SEMA3D: variants seen among roughly 807,000 people sequenced by gnomAD.
SEMA3D encodes the protein semaphorin-3D.
A neutral mutation model predicts 100.1 loss-of-function variants in SEMA3D; 84 were observed. That is an observed-to-expected ratio of 0.84 (90% CI 0.70 to 1.01). The LOEUF is 1.01. Ranked by LOEUF, SEMA3D falls within the 50% of genes least tolerant of loss-of-function variation. SEMA3D has a pLI of 0.00. For synonymous variants in SEMA3D, 312 were observed against 320.7 expected, an observed-to-expected ratio of 0.97 and a Z score of 0.29; for missense variants, 875 against 934.1, an observed-to-expected ratio of 0.94 and a Z score of 0.82.
chr7:85,066,890 G>GCACACACACACACACACACACACA (rs1265828830), intron 7 of SEMA3D, among the ~76,000 whole-genome samples: 2 of 100,700 alleles, frequency 2.0e-5, no homozygotes, highest in African/African-American at 1.6e-4. Flanking sequence ...GGAAATGTGC[G>GCACACACACACACACACACACACA]CTCACACACA....
chr7:85,091,949 T>G (rs1177885665), intron 4 of SEMA3D, among the ~76,000 whole-genome samples: 1 of 152,010 alleles, frequency 6.6e-6, no homozygotes, highest in Non-Finnish European at 1.5e-5. Context: ...CTATGAGAAA[T>G]CTACATACAA....
chr7:85,172,311 A>G (rs1791107270), intron 1 of SEMA3D, among the ~76,000 whole-genome samples: 1 of 152,012 alleles, frequency 6.6e-6, no homozygotes, highest in African/African-American at 2.4e-5. Flanking sequence ...CAAAAGCAAA[A>G]GAGACAATTA....
intron 11 of SEMA3D, among the ~76,000 whole-genome samples, chr7:85,038,972 T>C (rs986322702): frequency 2.0e-5 from 3 of 152,156 alleles, no homozygotes; most frequent in African/African-American, 7.2e-5. Context: ...TTAAACTATA[T>C]TGTTCATATA....
intron 1 of SEMA3D, among the ~76,000 whole-genome samples, chr7:85,179,886 C>T (rs1458368051): frequency 6.6e-6 from 1 of 152,170 alleles, no homozygotes; most frequent in Non-Finnish European, 1.5e-5. Flanking sequence ...TGGTCTTGAT[C>T]TCCTGACCTC....
intron 9 of SEMA3D, chr7:85,050,805 A>G: frequency 4.2e-6 from 2 of 473,106 alleles, no homozygotes; most frequent in Non-Finnish European, 7.5e-6. Context: ...TAATAAAATG[A>G]CATATCTCTT....
the SEMA3D span, among the ~76,000 whole-genome samples, chr7:85,242,623 T>C: frequency 6.6e-6 from 1 of 152,196 alleles, no homozygotes; most frequent in African/African-American, 2.4e-5. Context: ...CTATTTCAGA[T>C]ACAGGGGTGT....
At chr7:85,024,946 G>A (rs986211445) in intron 12 of SEMA3D, among the ~76,000 whole-genome samples, 5 of 151,966 alleles carry the variant, frequency 3.3e-5, no homozygotes, top group African/African-American at 9.7e-5. Context: ...GAAAAATTTC[G>A]TAAAAGAAAA....
intron 1 of SEMA3D, among the ~76,000 whole-genome samples, chr7:85,170,167 A>ACTACT (rs1344403586): frequency 6.6e-6 from 1 of 151,884 alleles, no homozygotes; most frequent in Non-Finnish European, 1.5e-5. Flanking sequence ...ATAAGTGTTC[A>ACTACT]CTACTTTATT....
At chr7:85,223,431 A>T in the SEMA3D span, among the ~76,000 whole-genome samples, 192 of 152,098 alleles carry the variant, frequency 1.3e-3, 3 homozygotes, top group Non-Finnish European at 4.6e-4. Context: ...TTGTACAGGC[A>T]TGTTTATACC....
Position 85,151,667 on chromosome 7 carries a change from T to C in SEMA3D, c.-41+1941A>G, listed in dbSNP as rs1020237877. ...GCAATTCTCAGTATATTATAGTGTA[T>C]TTAGTACTATTTCTTTCATATTCTC... On this transcript the variant is annotated intron_variant, in intron 2 of 18. Coordinates refer to ENST00000284136, the MANE Select transcript of SEMA3D (RefSeq NM_001384900.1). 5 of 982,668 alleles carry C rather than the reference T, an allele frequency of 5.1e-6. No homozygotes were observed. In the African/African-American group the frequency reaches 8.8e-5, roughly 17 times the overall value. The allele number at this position is 982,668 out of a possible 1,614,324, so 60.9% of individuals were successfully genotyped here. A position where few individuals can be genotyped will look rare whatever the true frequency, so the allele number is the denominator to read the frequency against.
At position 85,153,673 on chromosome 7, in the gene SEMA3D, C is replaced by G. The variant is rs1278285631; in HGVS notation, c.-106G>C. ...TAAGGTGAAGATCCAGGAGAACCAA[C>G]AGTGTATGTTCAAAAGCCTGGCAAC... On this transcript the variant is annotated 5_prime_UTR_variant, in exon 2 of 19. Coordinates refer to ENST00000284136, the MANE Select transcript of SEMA3D (RefSeq NM_001384900.1). 1 of 152,118 alleles carries G rather than the reference C, an allele frequency of 6.6e-6. No individual in the cohort carries two copies. The highest frequency in any genetic ancestry group is 1.9e-4 in the East Asian group (1 of 5,174). 9.4% of individuals were successfully genotyped at this position (152,118 alleles called of 1,614,324 possible). A position where few individuals can be genotyped will look rare whatever the true frequency, so the allele number is the denominator to read the frequency against.
intron 9 of SEMA3D, among the ~76,000 whole-genome samples, chr7:85,051,374 C>T (rs576010046): frequency 6.3e-4 from 96 of 151,920 alleles, no homozygotes; most frequent in African/African-American, 2.2e-3. Context: ...TTTTGATAAG[C>T]GACATTTTTG....
intron 12 of SEMA3D, among the ~76,000 whole-genome samples, chr7:85,035,970 G>A (rs1028631954): frequency 6.6e-5 from 10 of 151,890 alleles, no homozygotes; most frequent in South Asian, 4.2e-4. Context: ...AACAGAATTC[G>A]GAAAGCATAG....
At position 85,126,375 on chromosome 7, in the gene SEMA3D, CGTGT is replaced by C. The variant is rs34641872; in HGVS notation, c.-40-4448_-40-4445del. Among the ~76,000 whole-genome samples the C allele has an allele frequency of 4.2e-3, 556 of 130,928 alleles. 4 individuals are homozygous for C. The highest frequency in any genetic ancestry group is 0.011 in the African/African-American group (368 of 32,354). 85.9% of individuals were successfully genotyped at this position (130,928 alleles called of 152,430 possible). A position where few individuals can be genotyped will look rare whatever the true frequency, so the allele number is the denominator to read the frequency against. On this transcript the variant is annotated intron_variant, in intron 2 of 18. Coordinates refer to ENST00000284136, the MANE Select transcript of SEMA3D (RefSeq NM_001384900.1). ...AACACTTAGATTTAGGATTCTTTCT[CGTGT>C]GTGTGTGTGTGTGTGTGTGTGTGTC...
chr7:85,090,841 A>G (rs886073209), intron 4 of SEMA3D, among the ~76,000 whole-genome samples: 1 of 152,146 alleles, frequency 6.6e-6, no homozygotes, highest in Non-Finnish European at 1.5e-5. Flanking sequence ...TTTATGTTAG[A>G]CAAAGAAGGG....
chr7:85,006,168 C>T (rs1789790673), intron 18 of SEMA3D, among the ~76,000 whole-genome samples: 1 of 151,960 alleles, frequency 6.6e-6, no homozygotes. Flanking sequence ...TCTACATTCT[C>T]ATATGCATTT....
At chr7:85,030,939 T>TTTTG (rs1343286051) in intron 12 of SEMA3D, among the ~76,000 whole-genome samples, 2 of 145,206 alleles carry the variant, frequency 1.4e-5, no homozygotes, top group African/African-American at 4.9e-5. Context: ...GGCAGGGCAA[T>TTTTG]AATGATTGAA....
chr7:85,216,672 A>C, the SEMA3D span, among the ~76,000 whole-genome samples: 1 of 151,938 alleles, frequency 6.6e-6, no homozygotes, highest in Non-Finnish European at 1.5e-5. Context: ...CAGTGCTAAT[A>C]ATGTTAACTA....
the SEMA3D span, among the ~76,000 whole-genome samples, chr7:85,242,674 T>C: frequency 6.6e-6 from 1 of 152,174 alleles, no homozygotes; most frequent in African/African-American, 2.4e-5. Flanking sequence ...CTACTTCTCC[T>C]TATGGCTATA....
Sources: allele counts gnomAD v4.1 joint callset (sites outside exome capture counted in the v4.1 genomes callset), GRCh38; gene constraint gnomAD v4.1.1; transcripts MANE v1.5; gene names NCBI Gene and HGNC (gene_info 2026-07-23, HGNC 2026-07-21).